Variants in MGAT4C observed in about 807,000 individuals in gnomAD.
MGAT4C encodes MGAT4 family member C, also known as alpha-1,3-mannosyl-glycoprotein 4-beta-N-acetylglucosaminyltransferase C.
A neutral mutation model predicts 40.1 loss-of-function variants in MGAT4C; 19 were observed. The ratio of observed to expected loss-of-function variants is 0.47; its 90% CI spans 0.33 to 0.70. The LOEUF is 0.70. Among genes scored for constraint, MGAT4C ranks in the 30% least tolerant of loss-of-function variants. The pLI is 0.02. For missense variants in MGAT4C, 491 were observed against 563.2 expected, an observed-to-expected ratio of 0.87 and a Z score of 1.30; for synonymous variants, 181 against 187.1, an observed-to-expected ratio of 0.97 and a Z score of 0.27.
At chr12:86,060,665 C>G (rs1893869189) in intron 1 of MGAT4C, among the ~76,000 whole-genome samples, 1 of 152,068 alleles carries the variant, frequency 6.6e-6, no homozygotes, top group Non-Finnish European at 1.5e-5. Context: ...CACAAAATGA[C>G]TGAAGAAAAT....
Position 85,989,520 on chromosome 12 carries a change from AT to A in MGAT4C, c.26del (p.His9LeufsTer9). 1.2e-6 allele frequency: 2 copies of A among 1,605,274 alleles called. No homozygotes were observed. The highest frequency in any genetic ancestry group is 1.7e-6 in the Non-Finnish European group (2 of 1,175,308). On this transcript the variant is annotated frameshift_variant, in exon 3 of 5. Coordinates refer to ENST00000611864, the MANE Select transcript of MGAT4C (RefSeq NM_001351288.2). LOFTEE classifies it high-confidence loss of function. The stretch of plus-strand genomic sequence containing the variant: ...TCATTTTATCAAGTATTTCAAAAAT[AT>A]GTTTCATTTGATGAAATTTAAACAT... Reference protein sequence around the residue: MFKFHQMKHIFEILDKMRC... With the variant: MFKFHQMKXIFEILDKMRC...
intron 3 of MGAT4C, among the ~76,000 whole-genome samples, chr12:86,378,469 A>C (rs1042606474): frequency 1.3e-5 from 2 of 152,170 alleles, no homozygotes; most frequent in African/African-American, 4.8e-5. Flanking sequence ...TATGACTTAA[A>C]GTTTGTAAAT....
At chr12:86,757,345 C>A (rs1251575854) in intron 1 of MGAT4C, among the ~76,000 whole-genome samples, 1 of 151,994 alleles carries the variant, frequency 6.6e-6, no homozygotes, top group Non-Finnish European at 1.5e-5. Flanking sequence ...TGCATATGTA[C>A]CCCAGAACTG....
intron 3 of MGAT4C, among the ~76,000 whole-genome samples, chr12:86,403,514 C>A (rs965433221): frequency 1.3e-5 from 2 of 152,064 alleles, no homozygotes; most frequent in African/African-American, 2.4e-5. Flanking sequence ...TATGACAGAA[C>A]ATCTCATTCA....
intron 2 of MGAT4C, among the ~76,000 whole-genome samples, chr12:86,525,986 C>T (rs568713714): frequency 6.6e-6 from 1 of 152,116 alleles, no homozygotes; most frequent in Non-Finnish European, 1.5e-5. Flanking sequence ...TGGCAGGGGG[C>T]CAGCAGGTGC....
At chr12:86,479,009 T>C (rs1286882752) in intron 2 of MGAT4C, among the ~76,000 whole-genome samples, 1 of 152,094 alleles carries the variant, frequency 6.6e-6, no homozygotes, top group Non-Finnish European at 1.5e-5. Context: ...GTGACTTTTT[T>C]ACACCACATT....
intron 4 of MGAT4C, among the ~76,000 whole-genome samples, chr12:86,329,214 C>A (rs1007341682): frequency 6.6e-6 from 1 of 152,006 alleles, no homozygotes; most frequent in South Asian, 2.1e-4. Flanking sequence ...AGTTACATAA[C>A]CTTGTTCCAA....
At chr12:86,509,078 G>C (rs1433014673) in intron 2 of MGAT4C, among the ~76,000 whole-genome samples, 1 of 151,998 alleles carries the variant, frequency 6.6e-6, no homozygotes, top group African/African-American at 2.4e-5. Flanking sequence ...GATCCCATTT[G>C]TCAATTTTGT....
chr12:86,309,858 C>T (rs1954025407), intron 4 of MGAT4C, among the ~76,000 whole-genome samples: 1 of 152,012 alleles, frequency 6.6e-6, no homozygotes, highest in Admixed American at 6.6e-5. Context: ...GATTTTATCT[C>T]GAGTCCAAAA....
intron 1 of MGAT4C, among the ~76,000 whole-genome samples, chr12:86,203,014 CTGTGTGTGTG>C (rs10587166): frequency 0.58 from 86,219 of 147,402 alleles, 25,282 homozygotes; most frequent in South Asian, 0.67. Flanking sequence ...TCACATTTTC[CTGTGTGTGTG>C]TGTGTGTGTG....
At chr12:86,748,230 C>T (rs1045143846) in intron 1 of MGAT4C, among the ~76,000 whole-genome samples, 1 of 151,518 alleles carries the variant, frequency 6.6e-6, no homozygotes, top group African/African-American at 2.4e-5. Context: ...GTCATTAGGA[C>T]AGTGTCATCA....
At chr12:86,822,093 A>T (rs1211230644) in intron 1 of MGAT4C, among the ~76,000 whole-genome samples, 3 of 151,126 alleles carry the variant, frequency 2.0e-5, no homozygotes, top group African/African-American at 4.8e-5. Flanking sequence ...TATAAGTGAT[A>T]GTGATTGAAT....
intron 1 of MGAT4C, among the ~76,000 whole-genome samples, chr12:86,050,164 A>G (rs1021061464): frequency 6.6e-6 from 1 of 152,002 alleles, no homozygotes; most frequent in Non-Finnish European, 1.5e-5. Flanking sequence ...TGCACAGGCT[A>G]GTCTGTTACA....
At chr12:86,185,841 T>C (rs1047616351) in intron 1 of MGAT4C, among the ~76,000 whole-genome samples, 1 of 152,088 alleles carries the variant, frequency 6.6e-6, no homozygotes, top group Non-Finnish European at 1.5e-5. Flanking sequence ...AGCAAACACA[T>C]TTCTTAGGCA....
chr12:86,713,395 G>A (rs563069001), intron 2 of MGAT4C, among the ~76,000 whole-genome samples: 128 of 152,112 alleles, frequency 8.4e-4, no homozygotes, highest in African/African-American at 2.9e-3. Flanking sequence ...CTCTGAGGAT[G>A]TATCATCTTA....
intron 3 of MGAT4C, among the ~76,000 whole-genome samples, chr12:86,361,732 A>T (rs1313692162): frequency 9.9e-5 from 15 of 152,242 alleles, no homozygotes; most frequent in Non-Finnish European, 7.3e-5. Flanking sequence ...GACACATGAA[A>T]AAATGCTCAT....
chr12:86,689,766 G>C (rs1301228033), intron 2 of MGAT4C, among the ~76,000 whole-genome samples: 1 of 152,170 alleles, frequency 6.6e-6, no homozygotes, highest in African/African-American at 2.4e-5. Flanking sequence ...GCTGGGATGT[G>C]TCTCCCAGTC....
chr12:86,782,171 A>ATTTTTTTTTTTTTTTTTTT (rs57791582), intron 1 of MGAT4C, among the ~76,000 whole-genome samples: 1 of 40,276 alleles, frequency 2.5e-5, no homozygotes, highest in Non-Finnish European at 4.4e-5. Context: ...TGTTTTTTGT[A>ATTTTTTTTTTTTTTTTTTT]TTTTTTTTTT....
intron 1 of MGAT4C, among the ~76,000 whole-genome samples, chr12:86,220,635 T>A (rs1950843204): frequency 6.6e-6 from 1 of 152,140 alleles, no homozygotes; most frequent in Non-Finnish European, 1.5e-5. Context: ...TTTGCCTCTC[T>A]AGTATATGTT....
Sources: allele counts gnomAD v4.1 joint callset (sites outside exome capture counted in the v4.1 genomes callset), GRCh38; gene constraint gnomAD v4.1.1; transcripts MANE v1.5; gene names NCBI Gene and HGNC (gene_info 2026-07-23, HGNC 2026-07-21).